The following POLE variants were observed in gnomAD, a reference collection of about 807,000 sequenced individuals.
POLE encodes DNA polymerase epsilon, catalytic subunit.
POLE carries 188 observed loss-of-function variants against 279.2 expected under a neutral mutation model. The ratio of observed to expected loss-of-function variants is 0.67; its 90% CI spans 0.60 to 0.76. The LOEUF (loss-of-function observed/expected upper bound fraction) is 0.76. POLE is among the 30% of genes least tolerant of loss of function. The pLI is 0.00. For missense variants in POLE, 2,703 were observed against 3,016.7 expected (o/e 0.90, Z 2.44); for synonymous variants, 1,214 against 1,172.5 (o/e 1.04, Z -0.72).
In POLE at chr12:132,680,666, T is replaced by A. The variant is rs1468404698; in HGVS notation, c.226A>T (p.Lys76Ter). 1 of 1,613,730 alleles carries A rather than the reference T, an allele frequency of 6.2e-7. No homozygotes were observed. The highest frequency in any genetic ancestry group is 8.5e-7 in the Non-Finnish European group (1 of 1,179,638). The change falls in exon 3 of 49, where the codon AAG (lysine) becomes TAG (stop). Residue 76 changes from lysine (K) to a stop codon, truncating the protein, a stop_gained. Transcript: ENST00000320574. LOFTEE classifies it high-confidence loss of function. ...MHPTEILDED[K>*]RLGSAVDYYF... ...TAATCCACTGCACTGCCTAAGCGCT[T>A]ATCTTCATCTAAAATCTCGGTCTAC...
chr12:132,643,480 G>A lies in POLE; in HGVS notation c.4371C>T (p.Gly1457=), dbSNP rs771489059. The change falls in exon 34 of 49, where the codon GGC becomes GGT. Residue 1457 remains glycine (G), a synonymous_variant. Coordinates refer to ENST00000320574, the MANE Select transcript of POLE (RefSeq NM_006231.4). Reference sequence around the variant, plus strand: ...CAAGAGCAAAGGTCTCTGCTTCCCAGCCTGAAAGGTGCCTCACCAGCTGTT... The same window carrying A: ...CAAGAGCAAAGGTCTCTGCTTCCCAACCTGAAAGGTGCCTCACCAGCTGTT... The part of the protein sequence containing the change: ...VNKQLVRHLS[G]WEAETFALEH... 6 of 1,614,092 alleles carry A rather than the reference G, an allele frequency of 3.7e-6. No individual in the cohort carries two copies. In the Admixed American group the frequency reaches 5.0e-5, roughly 13 times the overall value.
rs1392444101 is a variant in POLE at position 132,658,000 on chromosome 12, G to GT, written c.3276-31dup. ...GTAAGGAAGACAGGCACACAGCTCA[G>GT]TAACAGTGAAAATCACCCAAAATCT... On this transcript the variant is annotated intron_variant, in intron 26 of 48. Transcript: ENST00000320574. 2 of 1,420,074 alleles carry GT rather than the reference G, an allele frequency of 1.4e-6. No individual in the cohort carries two copies. Among genetic ancestry groups the GT allele is most frequent in the Non-Finnish European group, 1.0e-6 (1 of 1,003,984 alleles). The allele number at this position is 1,420,074 out of a possible 1,614,324, so 88.0% of individuals were successfully genotyped here.
Position 132,659,433 on chromosome 12 carries a change from TA to T in POLE, c.3136del (p.Tyr1046ThrfsTer29). 2 of 1,614,224 alleles carry T rather than the reference TA, an allele frequency of 1.2e-6. No individual in the cohort carries two copies. The highest frequency in any genetic ancestry group is 1.7e-6 in the Non-Finnish European group (2 of 1,180,032). On this transcript the variant is annotated frameshift_variant, in exon 26 of 49. Transcript: ENST00000320574. LOFTEE classifies it high-confidence loss of function. The stretch of plus-strand genomic sequence containing the variant: ...GATGGACGTAGACTTCTGCTCCCCG[TA>T]ATCTTCCAGCTTCCGAGACATGGAA... ...NRSMSRKLED[Y>X]GEQKSTSIST...
chr12:132,649,167 GC>G (rs2042357459), intron 31 of POLE, 95 bp from the exon 32 acceptor site: 4 of 1,518,324 alleles, frequency 2.6e-6, no homozygotes, highest in Non-Finnish European at 2.7e-6. Flanking sequence ...CCAGCACAGG[GC>G]CTTAGGCCTC....
rs1422986795 is a variant in POLE at position 132,665,392 on chromosome 12, C to A, written c.2378G>T (p.Arg793Leu). 1 of 1,613,776 alleles carries A rather than the reference C, an allele frequency of 6.2e-7. No homozygotes were observed. The change falls in exon 21 of 49, where the codon CGC becomes CTC. Residue 793 changes from arginine (R) to leucine (L), a missense_variant. Coordinates refer to ENST00000320574, the MANE Select transcript of POLE (RefSeq NM_006231.4). ...VEVGDAAEVK[R>L]CKNMEVLYDS... Reference sequence around the variant, plus strand: ...ATACAGCACCTCCATGTTCTTGCAGCGCTTCACCTCAGCCGCGTCGCCCAC... The same window carrying A: ...ATACAGCACCTCCATGTTCTTGCAGAGCTTCACCTCAGCCGCGTCGCCCAC...
In POLE at chr12:132,664,336, G is replaced by A. The variant is rs1258753344; in HGVS notation, c.2561+34C>T. 6.3e-7 allele frequency: 1 copy of A among 1,592,688 alleles called. No individual in the cohort carries two copies. The highest frequency in any genetic ancestry group is 8.6e-7 in the Non-Finnish European group (1 of 1,162,204). On this transcript the variant is annotated intron_variant, in intron 22 of 48. Coordinates refer to ENST00000320574, the MANE Select transcript of POLE (RefSeq NM_006231.4). This position sits in a 1 kb window ranked among gnomAD's most constrained non-coding sequence, Gnocchi z 5.3. ...CTGCCCATGCTTGCCCCCAGGACCT[G>A]CTCCCAGCCCCACGGCTCCCCTTCT...
chr12:132,672,525 G>A (rs1282471616), intron 15 of POLE, 102 bp downstream of exon 15: 3 of 1,303,956 alleles, frequency 2.3e-6, no homozygotes, highest in East Asian at 4.7e-5. Flanking sequence ...AGGGGCCGTG[G>A]GACAGGATGG....
rs1593750051 is a variant in POLE, at chr12:132,649,444, G to A, written c.3867C>T (p.Arg1289=). Residue 1289 remains arginine (R), a synonymous_variant, in exon 31 of 49, where the codon CGC becomes CGT. Transcript: ENST00000320574. ...WQLQARQRLA[R]RKRQRLESAE... ...CCGACTCCAGACGCTGCCTCTTCCT[G>A]CGGGCGAGGCGCTGCCGGGCCTGCA... 1 of 1,612,444 alleles carries A rather than the reference G, an allele frequency of 6.2e-7. No individual in the cohort carries two copies. Among genetic ancestry groups the A allele is most frequent in the African/African-American group, 1.3e-5 (1 of 74,942 alleles).
chr12:132,663,905 C>T lies in POLE; in HGVS notation c.2706+99G>A. ...AAGCAATGTGAGCAGTGCTGGGTGCCAGGAAGGCATGCACACTGTGAGGTG... is the reference window on the plus strand; with the variant it reads ...AAGCAATGTGAGCAGTGCTGGGTGCTAGGAAGGCATGCACACTGTGAGGTG... On this transcript the variant is annotated intron_variant, in intron 23 of 48. Coordinates refer to ENST00000320574, the MANE Select transcript of POLE (RefSeq NM_006231.4). The T allele has an allele frequency of 2.3e-6, 3 of 1,304,842 alleles. No homozygotes were observed. In the South Asian group the frequency reaches 3.8e-5, roughly 16 times the overall value. 80.8% of individuals were successfully genotyped at this position (1,304,842 alleles called of 1,614,324 possible).
chr12:132,637,827 C>G (rs2042063177), intron 41 of POLE, among the ~76,000 whole-genome samples, 187 bp downstream of exon 41: 1 of 152,206 alleles, frequency 6.6e-6, no homozygotes, highest in Non-Finnish European at 1.5e-5. Context: ...AGCTGAGTGG[C>G]CTCCGATCTG....
rs114729205 is a variant in POLE, at chr12:132,652,676, C to A, written c.3583-2787G>T. 9.0e-3 allele frequency among the ~76,000 whole-genome samples: 1,364 copies of A among 152,216 alleles called. 14 individuals are homozygous for A. The highest frequency in any genetic ancestry group is 0.031 in the African/African-American group (1,304 of 41,524). Reference sequence around the variant, plus strand: ...AACTTACTTCTCCAAATATGAAAAACCATTTTCACCAGCATCACTCACTGC... The same window carrying A: ...AACTTACTTCTCCAAATATGAAAAAACATTTTCACCAGCATCACTCACTGC... On this transcript the variant is annotated intron_variant, in intron 29 of 48. Transcript: ENST00000320574.
intron 6 of POLE, among the ~76,000 whole-genome samples, chr12:132,679,007 T>C (rs1228788626): frequency 6.6e-6 from 1 of 152,242 alleles, no homozygotes; most frequent in Non-Finnish European, 1.5e-5. Context: ...TCTTCCGAAG[T>C]CATCTAAACT....
In POLE at chr12:132,676,549, GC is replaced by G. The variant is rs1412241641; in HGVS notation, c.905del (p.Gly302AlafsTer42). 2 of 1,607,716 alleles carry G rather than the reference GC, an allele frequency of 1.2e-6. No individual in the cohort carries two copies. The highest frequency in any genetic ancestry group is 1.7e-5 in the Admixed American group (1 of 60,008). On this transcript the variant is annotated frameshift_variant, in exon 9 of 49. Transcript: ENST00000320574. LOFTEE classifies it high-confidence loss of function. ...TTCCCAGAAGCCACCTGCTCACCTG[GC>G]CATCGATCATGTAGGAAATCATCAT... is the stretch of plus-strand genomic sequence containing the variant. The part of the protein sequence containing the change: ...QIMMISYMID[G>X]QGYLITNREI...
chr12:132,643,785 A>T, intron 33 of POLE, 52 bp downstream of exon 33: 1 of 1,591,080 alleles, frequency 6.3e-7, no homozygotes, highest in Non-Finnish European at 8.6e-7. Context: ...TTTCCTCCAT[A>T]CCACCCTGCT....
At chr12:132,671,413 G>GTA (rs1373148339) in intron 16 of POLE, among the ~76,000 whole-genome samples, 1 of 151,360 alleles carries the variant, frequency 6.6e-6, no homozygotes, top group African/African-American at 2.5e-5. Context: ...CCTCACACCT[G>GTA]TAATCCCAGC....
rs758368160 is a variant in POLE at position 132,676,621 on chromosome 12, C to T, written c.834G>A (p.Thr278=). 34 of 1,613,496 alleles carry T rather than the reference C, an allele frequency of 2.1e-5. No individual in the cohort carries two copies. The highest frequency in any genetic ancestry group is 2.7e-5 in the Non-Finnish European group (32 of 1,179,636). The change falls in exon 9 of 49, where the codon ACG becomes ACA. Residue 278 remains threonine, a synonymous_variant. Transcript: ENST00000320574. ...CAGGAAACTTGAGGGGCAGTTTGGTCGTCTCAATGTCAAATGCCAAAACCA... is the reference window on the plus strand; with the variant it reads ...CAGGAAACTTGAGGGGCAGTTTGGTTGTCTCAATGTCAAATGCCAAAACCA... ...DPVVLAFDIE[T]TKLPLKFPDA...
chr12:132,652,888 C>T (rs1225559888), intron 29 of POLE, among the ~76,000 whole-genome samples: 1 of 152,130 alleles, frequency 6.6e-6, no homozygotes, highest in Admixed American at 6.6e-5. Flanking sequence ...TTATTCTTAT[C>T]CTTACCCTTT....
rs2043156800 is a variant in POLE, at chr12:132,681,118, G to C, written c.204+20C>G. The C allele has an allele frequency of 1.2e-6, 2 of 1,613,534 alleles. No individual in the cohort carries two copies. The highest frequency in any genetic ancestry group is 1.7e-6 in the Non-Finnish European group (2 of 1,179,824). On this transcript the variant is annotated intron_variant, in intron 2 of 48. Coordinates refer to ENST00000320574, the MANE Select transcript of POLE (RefSeq NM_006231.4). ...GGGTTGCAGCCATATTCCTGGGTGG[G>C]AGAAGGACCTAGTGCTTACAGGATG...
rs1555225694 is a variant in POLE at position 132,659,476 on chromosome 12, G to A, written c.3094C>T (p.Leu1032Phe). 6.2e-7 allele frequency: 1 copy of A among 1,614,198 alleles called. No individual in the cohort carries two copies. The highest frequency in any genetic ancestry group is 8.5e-7 in the Non-Finnish European group (1 of 1,180,036). The change falls in exon 26 of 49, where the codon CTC (leucine) becomes TTC (phenylalanine). Residue 1032 changes from leucine to phenylalanine, a missense_variant. By Grantham distance (22) the Leu-to-Phe change is conservative (BLOSUM62 0). Coordinates refer to ENST00000320574, the MANE Select transcript of POLE (RefSeq NM_006231.4). Reference sequence around the variant, plus strand: ...GACATGGAACGGTTCTCAGAGATGAGCTCGAATAGCTCAGAGTCAGGCATG... The same window carrying A: ...GACATGGAACGGTTCTCAGAGATGAACTCGAATAGCTCAGAGTCAGGCATG... The part of the protein sequence containing the change: ...ANMPDSELFE[L>F]ISENRSMSRK...
Sources: gnomAD v4.1 joint callset for allele counts (sites outside exome capture counted in the v4.1 genomes callset) on GRCh38, gnomAD v4.1.1 for gene constraint, Gnocchi (gnomAD v3.1) non-coding constraint, MANE v1.5 for transcripts, NCBI Gene and HGNC (gene_info 2026-07-23, HGNC 2026-07-21) for gene names.